CSMD1: variants seen among roughly 807,000 people sequenced by gnomAD.
The protein encoded by CSMD1 is CUB and sushi domain-containing protein 1.
Under a neutral mutation model 417.5 loss-of-function variants are expected in CSMD1, and 213 were observed. That is an observed-to-expected ratio of 0.51 (90% confidence interval 0.46 to 0.57). The LOEUF (loss-of-function observed/expected upper bound fraction) is 0.57. Among genes scored for constraint, CSMD1 ranks in the 20% least tolerant of loss-of-function variants. CSMD1 has a pLI of 0.00. For missense variants in CSMD1, 6,923 were observed against 4,529.7 expected (o/e 1.53, Z -15.17); for synonymous variants, 2,862 against 1,736.8 (o/e 1.65, Z -16.11).
chr8:3,825,825 C>T (rs1802025912), intron 5 of CSMD1, among the ~76,000 whole-genome samples: 1 of 152,074 alleles, frequency 6.6e-6, no homozygotes, highest in Non-Finnish European at 1.5e-5. Context: ...GCTTTAAATC[C>T]CATTTAAATA....
At chr8:3,876,261 C>A (rs889649384) in intron 5 of CSMD1, among the ~76,000 whole-genome samples, 4 of 152,096 alleles carry the variant, frequency 2.6e-5, no homozygotes, top group East Asian at 1.9e-4. Flanking sequence ...AATGCATTCA[C>A]GTGTTGTTTT....
chr8:3,680,838 C>A (rs573001092), intron 7 of CSMD1, among the ~76,000 whole-genome samples: 1 of 152,128 alleles, frequency 6.6e-6, no homozygotes, highest in African/African-American at 2.4e-5. Context: ...AGCTTATCCA[C>A]CATGATCAAG....
intron 60 of CSMD1, among the ~76,000 whole-genome samples, 174 bp from the exon 61 acceptor site, chr8:2,962,813 C>T (rs666099): frequency 0.57 from 86,408 of 152,036 alleles, 25,191 homozygotes; most frequent in African/African-American, 0.71. Context: ...CTTTGGGAGG[C>T]AGAGGCAGGC....
chr8:4,417,644 G>A (rs1010610675), intron 3 of CSMD1, among the ~76,000 whole-genome samples: 1 of 151,788 alleles, frequency 6.6e-6, no homozygotes, highest in South Asian at 2.1e-4. Context: ...TTACTTGGTG[G>A]GTCAAATAAC....
intron 1 of CSMD1, among the ~76,000 whole-genome samples, chr8:4,834,376 G>C (rs1206009223): frequency 6.6e-6 from 1 of 152,136 alleles, no homozygotes; most frequent in Non-Finnish European, 1.5e-5. Flanking sequence ...TATACGTTAG[G>C]AGAGATATAA....
chr8:3,406,117 C>T lies in CSMD1; in HGVS notation c.2176G>A (p.Gly726Ser), dbSNP rs1336140606. Reference protein sequence around the residue: ...GSSVSFHCDDGFVKTQGSESI... With the variant: ...GSSVSFHCDDSFVKTQGSESI... ...TCGGATCCCTGGGTCTTGACAAAGC[C>T]ATCATCACAGTGGAAAGAAACCGAG... Residue 726 changes from glycine to serine, a missense_variant, in exon 15 of 70, where the codon GGC (glycine) becomes AGC (serine). Transcript: ENST00000635120. 54 of 1,613,834 alleles carry T rather than the reference C, an allele frequency of 3.3e-5. No homozygotes were observed. Among genetic ancestry groups the T allele is most frequent in the Non-Finnish European group, 4.4e-5 (52 of 1,179,900 alleles).
At chr8:3,268,815 G>A (rs1664972729) in intron 26 of CSMD1, among the ~76,000 whole-genome samples, 1 of 152,212 alleles carries the variant, frequency 6.6e-6, no homozygotes, top group Non-Finnish European at 1.5e-5. Context: ...AGGGTCCTGG[G>A]GGACAGTGGG....
chr8:3,183,186 AATCT>A (rs1479679365), intron 36 of CSMD1: 1 of 80,040 alleles, frequency 1.2e-5, no homozygotes, highest in Admixed American at 1.3e-4. Flanking sequence ...TCTAACGCCT[AATCT>A]ATCTATCCCT....
chr8:3,501,736 C>T (rs536380231), intron 10 of CSMD1, among the ~76,000 whole-genome samples: 26 of 152,176 alleles, frequency 1.7e-4, no homozygotes, highest in Admixed American at 1.0e-3. Flanking sequence ...ATTATTAACA[C>T]GGTTGCAAGA....
At chr8:4,707,432 G>A (rs1159471000) in intron 1 of CSMD1, among the ~76,000 whole-genome samples, 1 of 152,190 alleles carries the variant, frequency 6.6e-6, no homozygotes, top group African/African-American at 2.4e-5. Context: ...CATAGTGCAG[G>A]AATGCTGATG....
chr8:3,752,692 A>C (rs887838544), intron 6 of CSMD1, among the ~76,000 whole-genome samples: 2 of 66,440 alleles, frequency 3.0e-5, no homozygotes, highest in Non-Finnish European at 7.6e-5. Flanking sequence ...AAAAAAAAAA[A>C]AAAAAAAAAA....
chr8:3,012,951 T>C (rs1808516035), intron 52 of CSMD1, among the ~76,000 whole-genome samples: 1 of 152,182 alleles, frequency 6.6e-6, no homozygotes, highest in South Asian at 2.1e-4. Context: ...CAAGATCCAA[T>C]GGTCTCATAA....
chr8:4,225,440 G>A (rs1160236144), intron 3 of CSMD1, among the ~76,000 whole-genome samples: 1 of 150,086 alleles, frequency 6.7e-6, no homozygotes, highest in Non-Finnish European at 1.5e-5. Flanking sequence ...ATTCTGATGA[G>A]TATTTGTTTA....
At chr8:3,971,365 A>C (rs1003450640) in intron 5 of CSMD1, among the ~76,000 whole-genome samples, 5 of 152,188 alleles carry the variant, frequency 3.3e-5, no homozygotes, top group Non-Finnish European at 7.3e-5. Flanking sequence ...AATGTTCTGA[A>C]AATATAAATG....
intron 1 of CSMD1, among the ~76,000 whole-genome samples, chr8:4,705,470 T>C (rs900330938): frequency 1.3e-5 from 2 of 152,204 alleles, no homozygotes; most frequent in Non-Finnish European, 2.9e-5. Flanking sequence ...ATAGTCTTCC[T>C]GCTGTGTACA....
rs372259631 is a variant in CSMD1 at position 3,447,033 on chromosome 8, G to A, written c.1561+21679C>T. On this transcript the variant is annotated intron_variant, in intron 12 of 69. Transcript: ENST00000635120. ...TGAAATGTTATTTCATTTTCAGGAAGACAGAAAATTCTTAATAAAATTAAA... is the reference window on the plus strand; with the variant it reads ...TGAAATGTTATTTCATTTTCAGGAAAACAGAAAATTCTTAATAAAATTAAA... 2.0e-5 allele frequency among the ~76,000 whole-genome samples: 3 copies of A among 152,266 alleles called. No homozygotes were observed. In the East Asian group the frequency reaches 5.8e-4, roughly 29 times the overall value.
intron 3 of CSMD1, among the ~76,000 whole-genome samples, chr8:4,344,128 C>G (rs1284514401): frequency 6.6e-6 from 1 of 152,108 alleles, no homozygotes; most frequent in Non-Finnish European, 1.5e-5. Flanking sequence ...CAAAAACACA[C>G]TGATCATTAG....
At chr8:4,565,458 C>A (rs1049179609) in intron 2 of CSMD1, among the ~76,000 whole-genome samples, 13 of 151,812 alleles carry the variant, frequency 8.6e-5, no homozygotes, top group African/African-American at 3.1e-4. Context: ...AGATTTTAGC[C>A]CAGGCATAGT....
At chr8:4,188,371 C>T (rs1426484662) in intron 3 of CSMD1, among the ~76,000 whole-genome samples, 1 of 152,120 alleles carries the variant, frequency 6.6e-6, no homozygotes, top group African/African-American at 2.4e-5. Flanking sequence ...ATTCATTCTG[C>T]ATAATAGCAA....
Sources: allele counts gnomAD v4.1 joint callset (sites outside exome capture counted in the v4.1 genomes callset), GRCh38; gene constraint gnomAD v4.1.1; transcripts MANE v1.5; gene names NCBI Gene and HGNC (gene_info 2026-07-23, HGNC 2026-07-21).